TMOD3: variants seen among roughly 807,000 people sequenced by gnomAD.
The protein encoded by TMOD3 is tropomodulin-3.
In TMOD3, 20 loss-of-function variants were observed where a neutral mutation model predicts 39.2. The ratio of observed to expected loss-of-function variants is 0.51; its 90% CI spans 0.36 to 0.74. The LOEUF (loss-of-function observed/expected upper bound fraction) is 0.74, where lower values mean the gene tolerates loss of function less well. Ranked by LOEUF, TMOD3 falls within the 30% of genes least tolerant of loss-of-function variation. TMOD3 has a pLI of 0.00. For synonymous variants in TMOD3, 143 were observed against 145.8 expected, an observed-to-expected ratio of 0.98 and a Z score of 0.14; for missense variants, 381 against 412.8, an observed-to-expected ratio of 0.92 and a Z score of 0.67.
rs1169704350 is a variant in TMOD3 at position 51,910,778 on chromosome 15, G to GGTTTT, written c.*1984_*1988dup. ...TTGTTTTGGTTTGTTTTGGTTTTTT[G>GGTTTT]GTTTTGTTTTGTTTTGTTTTTTAAA... On this transcript the variant is annotated 3_prime_UTR_variant, in exon 10 of 10. Transcript: ENST00000308580. The GGTTTT allele has an allele frequency of 6.8e-6, 1 of 147,046 alleles. No individual in the cohort carries two copies. Among genetic ancestry groups the GGTTTT allele is most frequent in the African/African-American group, 2.5e-5 (1 of 39,984 alleles). The allele number at this position is 147,046 out of a possible 1,614,324, so 9.1% of individuals were successfully genotyped here.
At chr15:51,904,634 G>A (rs957896633) in intron 9 of TMOD3, among the ~76,000 whole-genome samples, 4 of 152,144 alleles carry the variant, frequency 2.6e-5, no homozygotes, top group South Asian at 2.1e-4. Flanking sequence ...TAAACGTCAC[G>A]GCAGGGGCGC....
intron 1 of TMOD3, among the ~76,000 whole-genome samples, chr15:51,857,770 A>G (rs942132404): frequency 1.3e-5 from 2 of 152,202 alleles, no homozygotes; most frequent in African/African-American, 4.8e-5. Context: ...AACATTAAAA[A>G]AAAAGCATGA....
intron 1 of TMOD3, among the ~76,000 whole-genome samples, chr15:51,836,420 C>G (rs570333751): frequency 1.5e-4 from 23 of 152,240 alleles, no homozygotes; most frequent in African/African-American, 5.5e-4. Context: ...TATTTTGTGC[C>G]TGGCTTCTTT....
chr15:51,887,383 AT>A (rs1429083742), intron 3 of TMOD3, among the ~76,000 whole-genome samples: 3 of 151,982 alleles, frequency 2.0e-5, no homozygotes. Flanking sequence ...CAGATGAAAA[AT>A]TTCTCAGTTG....
At chr15:51,867,042 G>A (rs1004322547) in intron 2 of TMOD3, among the ~76,000 whole-genome samples, 1 of 152,128 alleles carries the variant, frequency 6.6e-6, no homozygotes, top group African/African-American at 2.4e-5. Flanking sequence ...CACACACATA[G>A]AGGCCTGGTG....
intron 1 of TMOD3, among the ~76,000 whole-genome samples, chr15:51,856,106 T>C (rs2056386453): frequency 6.6e-6 from 1 of 151,992 alleles, no homozygotes; most frequent in Admixed American, 6.6e-5. Flanking sequence ...CTACAAAAAA[T>C]ACAAAAATTA....
At chr15:51,891,023 T>G (rs1256516628) in intron 5 of TMOD3, among the ~76,000 whole-genome samples, 2 of 152,196 alleles carry the variant, frequency 1.3e-5, no homozygotes, top group African/African-American at 2.4e-5. Context: ...GTCTCACAAA[T>G]AAAGGCTTTT....
intron 1 of TMOD3, chr15:51,859,508 G>A (rs1158943962): frequency 3.1e-6 from 2 of 636,684 alleles, no homozygotes; most frequent in African/African-American, 1.8e-5. Context: ...TGGCTTTTTT[G>A]TAGCCACCAT....
chr15:51,893,294 C>CAAAAAAAA (rs59321162), intron 5 of TMOD3, among the ~76,000 whole-genome samples: 2 of 59,008 alleles, frequency 3.4e-5, no homozygotes, highest in Non-Finnish European at 5.8e-5. Context: ...GACTCCATCT[C>CAAAAAAAA]AAAAAAAAAA....
intron 3 of TMOD3, chr15:51,884,694 T>TCTGGC (rs2056550988): frequency 6.6e-6 from 1 of 152,036 alleles, no homozygotes; most frequent in African/African-American, 2.4e-5. Context: ...TCCTTCCTGT[T>TCTGGC]CTGGCTTTAT....
At chr15:51,845,965 A>C (rs28542837) in intron 1 of TMOD3, among the ~76,000 whole-genome samples, 1 of 152,104 alleles carries the variant, frequency 6.6e-6, no homozygotes, top group African/African-American at 2.4e-5. Context: ...TCTAGCTAAA[A>C]TTAAAAACTT....
Position 51,912,398 on chromosome 15 carries a change from G to T in TMOD3, c.*3588G>T, listed in dbSNP as rs1410366919. 6.7e-6 allele frequency: 1 copy of T among 149,440 alleles called. No individual in the cohort carries two copies. Among genetic ancestry groups the T allele is most frequent in the Non-Finnish European group, 1.5e-5 (1 of 67,782 alleles). The allele number at this position is 149,440 out of a possible 1,614,324, so 9.3% of individuals were successfully genotyped here. ...GCTGAGGTCGCGCCATTGCACTCCA[G>T]CATGGGCAACAAGAGTGAAACTCCG... On this transcript the variant is annotated 3_prime_UTR_variant, in exon 10 of 10. Coordinates refer to ENST00000308580, the MANE Select transcript of TMOD3 (RefSeq NM_014547.5).
rs112365655 is a variant in TMOD3 at position 51,876,957 on chromosome 15, G to A, written c.283+7584G>A. On this transcript the variant is annotated intron_variant, in intron 3 of 9. Coordinates refer to ENST00000308580, the MANE Select transcript of TMOD3 (RefSeq NM_014547.5). Reference sequence around the variant, plus strand: ...GTGTGCCTGTAGTTCCAGTTACTCCGGAGGCTGAGGTGGGAGGATGGCTTG... The same window carrying A: ...GTGTGCCTGTAGTTCCAGTTACTCCAGAGGCTGAGGTGGGAGGATGGCTTG... 2.6e-3 allele frequency among the ~76,000 whole-genome samples: 397 copies of A among 152,144 alleles called. 5 individuals are homozygous for A. The highest frequency in any genetic ancestry group is 9.0e-3 in the African/African-American group (373 of 41,496).
At position 51,836,523 on chromosome 15, in the gene TMOD3, G is replaced by A. The variant is rs1287828674; in HGVS notation, c.-75+6687G>A. Among the ~76,000 whole-genome samples, 5 of 151,880 alleles carry A rather than the reference G, an allele frequency of 3.3e-5. No individual in the cohort carries two copies. In the East Asian group the frequency reaches 5.8e-4, roughly 18 times the overall value. ...GGGTGGATCACGAGGTCAGGAGATC[G>A]AGACCATCCTGGCCAACATGGTGAA... On this transcript the variant is annotated intron_variant, in intron 1 of 9. Coordinates refer to ENST00000308580, the MANE Select transcript of TMOD3 (RefSeq NM_014547.5).
chr15:51,897,129 C>G (rs889391314), intron 7 of TMOD3, among the ~76,000 whole-genome samples: 2 of 152,220 alleles, frequency 1.3e-5, no homozygotes, highest in African/African-American at 4.8e-5. Context: ...TCTCAAAGCC[C>G]TGTACTGGTT....
chr15:51,868,083 C>T (rs1285047526), intron 2 of TMOD3, among the ~76,000 whole-genome samples: 2 of 152,178 alleles, frequency 1.3e-5, no homozygotes, highest in African/African-American at 2.4e-5. Context: ...TGTACGCATA[C>T]ACACACAAGT....
intron 1 of TMOD3, among the ~76,000 whole-genome samples, chr15:51,832,230 T>TATATATATA (rs1450593296): frequency 2.2e-5 from 3 of 136,630 alleles, no homozygotes; most frequent in African/African-American, 8.3e-5. Flanking sequence ...TATATATATA[T>TATATATATA]ATGAATGACA....
chr15:51,860,456 T>C, intron 1 of TMOD3: 1 of 566,042 alleles, frequency 1.8e-6, no homozygotes, highest in Non-Finnish European at 3.5e-6. Flanking sequence ...CTTGATAAAG[T>C]TTTGGGCCCT....
intron 9 of TMOD3, among the ~76,000 whole-genome samples, chr15:51,902,421 G>A (rs1270253870): frequency 2.0e-5 from 3 of 152,102 alleles, no homozygotes; most frequent in South Asian, 2.1e-4. Flanking sequence ...ATAGAATGTG[G>A]ATATAGAAAT....
Sources: allele counts gnomAD v4.1 joint callset (sites outside exome capture counted in the v4.1 genomes callset), GRCh38; gene constraint gnomAD v4.1.1; transcripts MANE v1.5; gene names NCBI Gene and HGNC (gene_info 2026-07-23, HGNC 2026-07-21).